The following CLCN6 variants were observed in gnomAD, a reference collection of about 807,000 sequenced individuals.
The protein encoded by CLCN6 is Cl-/H+ antiporter 6, also known as H(+)/Cl(-) exchange transporter 6.
Under a neutral mutation model 109.8 loss-of-function variants are expected in CLCN6, and 70 were observed. The observed-to-expected ratio is 0.64, with a 90% CI of 0.53 to 0.78. The LOEUF (loss-of-function observed/expected upper bound fraction) is 0.78, where lower values mean the gene tolerates loss of function less well. CLCN6 is among the 30% of genes least tolerant of loss of function. CLCN6 has a pLI of 0.00. For missense variants in CLCN6, 984 were observed against 1,142.3 expected (o/e 0.86, Z 2.00); for synonymous variants, 444 against 447.8 (o/e 0.99, Z 0.11).
chr1:11,829,243 T>A lies in CLCN6; in HGVS notation c.1169T>A (p.Phe390Tyr). Residue 390 changes from phenylalanine to tyrosine, a missense_variant, in exon 13 of 23, where the codon TTT becomes TAT. Transcript: ENST00000346436. ...LVSLVTTVVV[F>Y]VASMVLGECR... ...TCTCTGGTAACCACCGTGGTGGTGT[T>A]TGTGGCCTCGATGGTGTTAGGAGAA... The A allele has an allele frequency of 6.2e-7, 1 of 1,614,144 alleles. No individual in the cohort carries two copies. Among genetic ancestry groups the A allele is most frequent in the Non-Finnish European group, 8.5e-7 (1 of 1,180,006 alleles).
At chr1:11,832,903 T>C (rs2100651017) in intron 13 of CLCN6, among the ~76,000 whole-genome samples, 1 of 152,302 alleles carries the variant, frequency 6.6e-6, no homozygotes, top group East Asian at 1.9e-4. Context: ...AAATAATCTC[T>C]TTTTCTGTTT....
Position 11,807,170 on chromosome 1 carries a change from C to T in CLCN6, c.127C>T (p.Leu43Phe). Residue 43 changes from leucine to phenylalanine, a missense_variant, in exon 2 of 23, where the codon CTT becomes TTT. By Grantham distance (22) the Leu-to-Phe change is conservative. Coordinates refer to ENST00000346436, the MANE Select transcript of CLCN6 (RefSeq NM_001286.5). ...AACACAGGAGGAGGAGGATGAGATT[C>T]TTCCAAGGAAAGACTATGAGGTGAG... Reference protein sequence around the residue: ...GETQEEEDEILPRKDYESLDY... With the variant: ...GETQEEEDEIFPRKDYESLDY... The T allele has an allele frequency of 6.2e-7, 1 of 1,614,176 alleles. No individual in the cohort carries two copies. The highest frequency in any genetic ancestry group is 8.5e-7 in the Non-Finnish European group (1 of 1,180,012).
At chr1:11,836,632 G>A (rs1020208940) in intron 18 of CLCN6, among the ~76,000 whole-genome samples, 1 of 151,982 alleles carries the variant, frequency 6.6e-6, no homozygotes, top group African/African-American at 2.4e-5. Context: ...TCCTGATTCC[G>A]ATTCAGAATC....
At chr1:11,820,788 T>C in intron 5 of CLCN6, 1 of 159,522 alleles carries the variant, frequency 6.3e-6, no homozygotes, top group South Asian at 1.7e-4. Flanking sequence ...AACAAAAACA[T>C]CAATGGCTGG....
rs764776408 is a variant in CLCN6, at chr1:11,824,500, A to G, written c.595A>G (p.Lys199Glu). ...FSVAGGLFVE[K>E]EGPMIHSGSV... ...ACCCTGCCCAGGGCTCTTCGTGGAG[A>G]AGGAAGGCCCCATGATCCACAGTGG... Residue 199 changes from lysine to glutamate, a missense_variant, in exon 8 of 23, where the codon AAG becomes GAG. Lys to Glu is a moderately conservative substitution (Grantham distance 56, BLOSUM62 1). Transcript: ENST00000346436. 8 of 1,613,406 alleles carry G rather than the reference A, an allele frequency of 5.0e-6. No individual in the cohort carries two copies. In the Admixed American group the frequency reaches 1.3e-4, roughly 27 times the overall value.
rs1645006412 is a variant in CLCN6, at chr1:11,840,531, G to C, written c.*308G>C. The stretch of plus-strand genomic sequence containing the variant: ...AGAGCCAGAAGCAGAGGTAGAATCA[G>C]GCGGGCCCCGGGCTGCACTCCGAGC... On this transcript the variant is annotated 3_prime_UTR_variant, in exon 23 of 23. Transcript: ENST00000346436. 2.1e-6 allele frequency: 1 copy of C among 476,692 alleles called. No individual in the cohort carries two copies. Among genetic ancestry groups the C allele is most frequent in the Non-Finnish European group, 3.9e-6 (1 of 258,348 alleles). 29.5% of individuals were successfully genotyped at this position (476,692 alleles called of 1,614,324 possible).
chr1:11,823,931 A>G (rs1365004375), intron 7 of CLCN6, 98 bp downstream of exon 7: 4 of 1,474,116 alleles, frequency 2.7e-6, no homozygotes, highest in Middle Eastern at 1.8e-4. Context: ...TGCAGGGCCC[A>G]GCCTCAAACA....
chr1:11,837,348 C>A lies in CLCN6; in HGVS notation c.2144C>A (p.Thr715Asn). The stretch of plus-strand genomic sequence containing the variant: ...ATCTGGTTTTTGTGTAACAGATACA[C>A]TCCCTACCCCAACCTATACCCTGAC... ...LLQQMLERRY[T>N]PYPNLYPDQS... Residue 715 changes from threonine to asparagine, a missense_variant, in exon 20 of 23, where the codon ACT becomes AAT. Transcript: ENST00000346436. 1 of 1,610,378 alleles carries A rather than the reference C, an allele frequency of 6.2e-7. No homozygotes were observed. Among genetic ancestry groups the A allele is most frequent in the Non-Finnish European group, 8.5e-7 (1 of 1,176,888 alleles).
chr1:11,817,652 G>A (rs1644690534), intron 4 of CLCN6, among the ~76,000 whole-genome samples: 2 of 152,208 alleles, frequency 1.3e-5, no homozygotes, highest in South Asian at 4.1e-4. Context: ...ATTCCGGTCA[G>A]TACAGTGTTG....
At chr1:11,811,073 T>G (rs1331378799) in intron 2 of CLCN6, among the ~76,000 whole-genome samples, 1 of 151,712 alleles carries the variant, frequency 6.6e-6, no homozygotes, top group African/African-American at 2.4e-5. Flanking sequence ...ATTAACGAGG[T>G]GTGGTGGCTA....
chr1:11,807,895 C>T (rs1446112377), intron 2 of CLCN6, among the ~76,000 whole-genome samples: 1 of 152,128 alleles, frequency 6.6e-6, no homozygotes. Flanking sequence ...TCTATTTTAA[C>T]CTGTCCCACT....
intron 13 of CLCN6, among the ~76,000 whole-genome samples, chr1:11,830,737 T>TTATATATATATA (rs369772847): frequency 9.9e-5 from 9 of 91,124 alleles, no homozygotes; most frequent in East Asian, 2.4e-4. Context: ...TATGTATATA[T>TTATATATATATA]TATATATATA....
intron 2 of CLCN6, among the ~76,000 whole-genome samples, chr1:11,812,981 C>T (rs1359390231): frequency 2.0e-5 from 3 of 152,082 alleles, no homozygotes; most frequent in East Asian, 1.9e-4. Context: ...CTGTCCCAAC[C>T]GTTGTTTGTT....
rs775893865 is a variant in CLCN6, at chr1:11,833,547, A to T, written c.1281A>T (p.Thr427=). 3.8e-5 allele frequency: 61 copies of T among 1,613,882 alleles called. 1 individual carries two copies. The South Asian group carries it at 6.6e-4, about 17-fold the overall frequency. Residue 427 remains threonine (T), a synonymous_variant, in exon 14 of 23, where the codon ACA becomes ACT. Coordinates refer to ENST00000346436, the MANE Select transcript of CLCN6 (RefSeq NM_001286.5). ...AAGATGTGAATTCAAGTATCAAGAC[A>T]TTTTTTTGTCCCAATGATACCTACA... ...VTEDVNSSIK[T]FFCPNDTYND...
Position 11,840,778 on chromosome 1 carries a change from G to T in CLCN6, c.*555G>T. 5.9e-6 allele frequency: 1 copy of T among 170,504 alleles called. No homozygotes were observed. The highest frequency in any genetic ancestry group is 1.3e-5 in the Non-Finnish European group (1 of 77,424). The allele number at this position is 170,504 out of a possible 1,614,324, so 10.6% of individuals were successfully genotyped here. On this transcript the variant is annotated 3_prime_UTR_variant, in exon 23 of 23. Transcript: ENST00000346436. Reference sequence around the variant, plus strand: ...GTATCCTCGCTAGTTGGTTTTAAGGGAAACACTCTGCTCCTGGGTGTGAGC... The same window carrying T: ...GTATCCTCGCTAGTTGGTTTTAAGGTAAACACTCTGCTCCTGGGTGTGAGC...
Position 11,834,195 on chromosome 1 carries a change from G to T in CLCN6, c.1527-41G>T. 2 of 1,602,016 alleles carry T rather than the reference G, an allele frequency of 1.2e-6. No individual in the cohort carries two copies. Among genetic ancestry groups the T allele is most frequent in the South Asian group, 1.1e-5 (1 of 89,656 alleles). ...TGTAGGTCCTCCCCACAGCCTATCA[G>T]TGTGGTTCAAAGCCATGTTCTCGGT... On this transcript the variant is annotated intron_variant, in intron 15 of 22. Transcript: ENST00000346436. The surrounding 1 kb of genome is among the most constrained non-coding windows in gnomAD (Gnocchi z 4.5).
chr1:11,813,518 G>A (rs1308170507), intron 2 of CLCN6, among the ~76,000 whole-genome samples: 1 of 151,888 alleles, frequency 6.6e-6, no homozygotes, highest in African/African-American at 2.4e-5. Context: ...AGCCACCCTA[G>A]TAGCTGGGAT....
chr1:11,822,847 C>T (rs777813172), intron 6 of CLCN6, 46 bp downstream of exon 6: 1 of 1,195,068 alleles, frequency 8.4e-7, no homozygotes, highest in South Asian at 1.2e-5. Flanking sequence ...GTTTTAGAGT[C>T]CCGCACTCCT....
rs1323386120 is a variant in CLCN6, at chr1:11,837,500, G to T, written c.2295+1G>T. ...AGTTTGTTACTCTGAAAGCCAGTCGGTAAGTCTCTCCGAGGCAGAAATCAG... is the reference window on the plus strand; with the variant it reads ...AGTTTGTTACTCTGAAAGCCAGTCGTTAAGTCTCTCCGAGGCAGAAATCAG... On this transcript the variant is annotated splice_donor_variant, in intron 20 of 22. Transcript: ENST00000346436. LOFTEE classifies it high-confidence loss of function. 1 of 1,612,686 alleles carries T rather than the reference G, an allele frequency of 6.2e-7. No individual in the cohort carries two copies. Among genetic ancestry groups the T allele is most frequent in the Non-Finnish European group, 8.5e-7 (1 of 1,178,786 alleles).
Sources: allele counts gnomAD v4.1 joint callset (sites outside exome capture counted in the v4.1 genomes callset), GRCh38; gene constraint gnomAD v4.1.1; non-coding constraint Gnocchi (gnomAD v3.1); transcripts MANE v1.5; gene names NCBI Gene and HGNC (gene_info 2026-07-23, HGNC 2026-07-21).